The following PTCHD4 variants were observed in gnomAD, a reference collection of about 807,000 sequenced individuals.
The protein encoded by PTCHD4 is patched domain-containing protein 4.
PTCHD4 carries 33 observed loss-of-function variants against 58.1 expected under a neutral mutation model. That is an observed-to-expected ratio of 0.57 (90% confidence interval 0.43 to 0.76). The LOEUF (loss-of-function observed/expected upper bound fraction) is 0.76, where lower values mean the gene tolerates loss of function less well. Among genes scored for constraint, PTCHD4 ranks in the 30% least tolerant of loss-of-function variants. The probability of loss-of-function intolerance (pLI) is 0.00; values close to 1 mark genes in which losing one functional copy is unlikely to be tolerated. For synonymous variants in PTCHD4, 478 were observed against 409.6 expected (o/e 1.17, Z -2.02); for missense variants, 1,058 against 1,027.1 (o/e 1.03, Z -0.41).
intron 3 of PTCHD4, among the ~76,000 whole-genome samples, chr6:48,057,852 T>C (rs1215375927): frequency 1.3e-5 from 2 of 152,160 alleles, no homozygotes; most frequent in African/African-American, 2.4e-5. Flanking sequence ...CTTGTAAGTG[T>C]TGGTTAAGGA....
At chr6:47,940,107 G>T (rs569975720) in intron 4 of PTCHD4, among the ~76,000 whole-genome samples, 1 of 151,952 alleles carries the variant, frequency 6.6e-6, no homozygotes, top group Non-Finnish European at 1.5e-5. Flanking sequence ...TTTCTGCAAA[G>T]GTCCCTTATC....
At chr6:47,998,836 AAAG>A (rs1490242569) in intron 4 of PTCHD4, among the ~76,000 whole-genome samples, 3 of 152,188 alleles carry the variant, frequency 2.0e-5, no homozygotes, top group Non-Finnish European at 4.4e-5. Flanking sequence ...CAAAGCTCTA[AAAG>A]AAGAACAGAG....
At chr6:47,905,313 G>A (rs1764842419) in intron 4 of PTCHD4, among the ~76,000 whole-genome samples, 1 of 152,158 alleles carries the variant, frequency 6.6e-6, no homozygotes, top group Non-Finnish European at 1.5e-5. Flanking sequence ...GCCACTAATT[G>A]AAGTCCAGGG....
intron 4 of PTCHD4, chr6:47,901,816 A>C (rs1474728449): frequency 1.2e-5 from 16 of 1,284,804 alleles, no homozygotes; most frequent in Non-Finnish European, 1.6e-5. Flanking sequence ...AGGAGTCTTC[A>C]CATATAATCT....
rs747795363 is a variant in PTCHD4, at chr6:47,874,730, G to A, written c.*3573C>T. On this transcript the variant is annotated 3_prime_UTR_variant, in exon 5 of 5. Coordinates refer to ENST00000339488, the MANE Select transcript of PTCHD4 (RefSeq NM_001384253.1). ...ATAAATGGGAATCAAATAGGAAAGGGCCACTTACATGATACAACAACAGAG... is the reference window on the plus strand; with the variant it reads ...ATAAATGGGAATCAAATAGGAAAGGACCACTTACATGATACAACAACAGAG... Among the ~76,000 whole-genome samples the A allele has an allele frequency of 7.2e-5, 9 of 124,806 alleles. No individual in the cohort carries two copies. Among genetic ancestry groups the A allele is most frequent in the Non-Finnish European group, 1.4e-4 (8 of 57,580 alleles). The allele number at this position is 124,806 out of a possible 152,430, so 81.9% of individuals were successfully genotyped here.
intron 1 of PTCHD4, among the ~76,000 whole-genome samples, chr6:48,096,959 C>T (rs192570064): frequency 7.4e-4 from 112 of 151,906 alleles, no homozygotes; most frequent in African/African-American, 2.7e-3. Context: ...GGAATAAAAC[C>T]AAAAATGACC....
intron 4 of PTCHD4, among the ~76,000 whole-genome samples, chr6:47,991,237 T>G (rs1768270686): frequency 6.6e-6 from 1 of 152,118 alleles, no homozygotes; most frequent in African/African-American, 2.4e-5. Context: ...CATATCTAGA[T>G]ATATCACAGC....
In PTCHD4 at chr6:47,863,071, C is replaced by G. The variant is rs940681570; in HGVS notation, c.*15232G>C. Among the ~76,000 whole-genome samples the G allele has an allele frequency of 2.0e-5, 3 of 151,800 alleles. No individual in the cohort carries two copies. The highest frequency in any genetic ancestry group is 7.2e-5 in the African/African-American group (3 of 41,396). Reference sequence around the variant, plus strand: ...ATAGGAACAAAAAGATCTTCAAATTCTCTGGGCATTCATTGTACTTAACTT... The same window carrying G: ...ATAGGAACAAAAAGATCTTCAAATTGTCTGGGCATTCATTGTACTTAACTT... On this transcript the variant is annotated 3_prime_UTR_variant, in exon 5 of 5. Coordinates refer to ENST00000339488, the MANE Select transcript of PTCHD4 (RefSeq NM_001384253.1).
intron 1 of PTCHD4, among the ~76,000 whole-genome samples, chr6:48,086,632 A>T (rs1027167271): frequency 6.6e-6 from 1 of 152,220 alleles, no homozygotes; most frequent in African/African-American, 2.4e-5. Context: ...TGAACTAAAC[A>T]TTTTGTGTCT....
At chr6:48,058,233 G>C (rs555572293) in intron 3 of PTCHD4, among the ~76,000 whole-genome samples, 3 of 152,236 alleles carry the variant, frequency 2.0e-5, no homozygotes, top group Admixed American at 1.3e-4. Flanking sequence ...TGCAGGGCTT[G>C]TTGGGCGCTA....
In PTCHD4 at chr6:47,946,805, A is replaced by G. The variant is rs527409643; in HGVS notation, c.898+61829T>C. Reference sequence around the variant, plus strand: ...GTTTTCTTCAAACCTTTCCTCTCTTAGTTTGAAATTATGTGCACAATTTCT... The same window carrying G: ...GTTTTCTTCAAACCTTTCCTCTCTTGGTTTGAAATTATGTGCACAATTTCT... On this transcript the variant is annotated intron_variant, in intron 4 of 4. Coordinates refer to ENST00000339488, the MANE Select transcript of PTCHD4 (RefSeq NM_001384253.1). Among the ~76,000 whole-genome samples the G allele has an allele frequency of 2.7e-4, 41 of 151,344 alleles. No individual in the cohort carries two copies. The South Asian group carries it at 8.0e-3, about 29-fold the overall frequency.
chr6:47,922,148 A>T (rs1765453651), intron 4 of PTCHD4, among the ~76,000 whole-genome samples: 1 of 151,982 alleles, frequency 6.6e-6, no homozygotes, highest in Admixed American at 6.6e-5. Flanking sequence ...AAAGAAAAAA[A>T]AGTTACTATT....
intron 3 of PTCHD4, among the ~76,000 whole-genome samples, chr6:48,029,736 G>C (rs1763370941): frequency 6.6e-6 from 1 of 152,024 alleles, no homozygotes; most frequent in African/African-American, 2.4e-5. Flanking sequence ...AACAGAATCT[G>C]TTCTTCTGGA....
chr6:47,919,257 C>T (rs1020247155), intron 4 of PTCHD4, among the ~76,000 whole-genome samples: 4 of 152,142 alleles, frequency 2.6e-5, no homozygotes, highest in Non-Finnish European at 4.4e-5. Flanking sequence ...ATATCAGTCA[C>T]TGTTCTAATG....
rs138165226 is a variant in PTCHD4, at chr6:47,999,281, C to A, written c.898+9353G>T. On this transcript the variant is annotated intron_variant, in intron 4 of 4. Coordinates refer to ENST00000339488, the MANE Select transcript of PTCHD4 (RefSeq NM_001384253.1). ...CTCCAAGTCGTCTGACTCTAAGCCT[C>A]TAAGCATAAGCATGGGAATATTTTC... Among the ~76,000 whole-genome samples the A allele has an allele frequency of 1.3e-3, 195 of 152,284 alleles. 1 individual carries two copies. Among genetic ancestry groups the A allele is most frequent in the African/African-American group, 4.5e-3 (185 of 41,554 alleles).
chr6:47,882,975 G>A (rs1764066550), intron 4 of PTCHD4, among the ~76,000 whole-genome samples: 1 of 151,232 alleles, frequency 6.6e-6, no homozygotes, highest in African/African-American at 2.4e-5. Flanking sequence ...ACTTCTTTTT[G>A]AATTAAATAA....
At chr6:48,098,926 A>G (rs934195225) in intron 1 of PTCHD4, among the ~76,000 whole-genome samples, 5 of 152,178 alleles carry the variant, frequency 3.3e-5, no homozygotes, top group African/African-American at 1.2e-4. Flanking sequence ...CTCCATACAC[A>G]GCATATTGTA....
chr6:47,888,598 C>T (rs1438227041), intron 4 of PTCHD4, among the ~76,000 whole-genome samples: 1 of 152,092 alleles, frequency 6.6e-6, no homozygotes, highest in African/African-American at 2.4e-5. Context: ...CCAGAGTTTG[C>T]ATTCAGTCAT....
chr6:48,036,882 C>G (rs946744805), intron 3 of PTCHD4, among the ~76,000 whole-genome samples: 1 of 152,160 alleles, frequency 6.6e-6, no homozygotes, highest in East Asian at 1.9e-4. Context: ...GCCACTGTGC[C>G]TGATAAGGGA....
Sources: allele counts gnomAD v4.1 joint callset (sites outside exome capture counted in the v4.1 genomes callset), GRCh38; gene constraint gnomAD v4.1.1; transcripts MANE v1.5; gene names NCBI Gene and HGNC (gene_info 2026-07-23, HGNC 2026-07-21).